The following MDFIC variants were observed in gnomAD, a reference collection of about 807,000 sequenced individuals.
The protein encoded by MDFIC is MyoD family inhibitor domain containing.
A neutral mutation model predicts 23.2 loss-of-function variants in MDFIC; 17 were observed. That is an observed-to-expected ratio of 0.73 (90% CI 0.50 to 1.10). The LOEUF is 1.10. Ranked by LOEUF, MDFIC falls within the 50% of genes least tolerant of loss-of-function variation. The pLI is 0.00. For missense variants in MDFIC, 356 were observed against 316.6 expected (o/e 1.12, Z -0.95); for synonymous variants, 120 against 115.2 (o/e 1.04, Z -0.27).
intron 4 of MDFIC, among the ~76,000 whole-genome samples, chr7:114,984,871 A>G (rs1793481927): frequency 6.6e-6 from 1 of 152,228 alleles, no homozygotes; most frequent in Non-Finnish European, 1.5e-5. Context: ...TATACTTTTT[A>G]GGAATTTTTG....
At chr7:115,002,605 G>A (rs1330089473) in intron 4 of MDFIC, among the ~76,000 whole-genome samples, 1 of 152,166 alleles carries the variant, frequency 6.6e-6, no homozygotes, top group African/African-American at 2.4e-5. Flanking sequence ...GAAGCACTTG[G>A]CAACTCTCCC....
intron 2 of MDFIC, among the ~76,000 whole-genome samples, chr7:114,925,417 T>G (rs776900170): frequency 6.6e-6 from 1 of 152,186 alleles, no homozygotes; most frequent in Non-Finnish European, 1.5e-5. Context: ...AGTATTAGCA[T>G]TAAGAATTAG....
chr7:114,943,124 C>T (rs184769096), intron 3 of MDFIC, among the ~76,000 whole-genome samples: 4 of 152,300 alleles, frequency 2.6e-5, no homozygotes, highest in Admixed American at 6.5e-5. Flanking sequence ...TTTTGATATT[C>T]CCCTTTGGAG....
chr7:114,940,613 A>G (rs973709214), intron 2 of MDFIC, among the ~76,000 whole-genome samples: 6 of 152,230 alleles, frequency 3.9e-5, no homozygotes, highest in East Asian at 1.9e-4. Context: ...GTTTAGAAAG[A>G]TGACTATTTC....
intron 3 of MDFIC, among the ~76,000 whole-genome samples, chr7:114,952,713 A>AG (rs1792801570): frequency 6.6e-6 from 1 of 152,152 alleles, no homozygotes; most frequent in African/African-American, 2.4e-5. Context: ...ATTTAAGGAA[A>AG]AAAAGATTCC....
At chr7:114,931,952 TA>T (rs1792315897) in intron 2 of MDFIC, among the ~76,000 whole-genome samples, 1 of 152,214 alleles carries the variant, frequency 6.6e-6, no homozygotes, top group Admixed American at 6.5e-5. Flanking sequence ...ATAGTCCTCC[TA>T]CTCTTTTTCA....
chr7:114,923,406 G>C, intron 2 of MDFIC: 2 of 1,484,218 alleles, frequency 1.3e-6, no homozygotes, highest in Non-Finnish European at 1.8e-6. Flanking sequence ...TTAAGCATAT[G>C]CATGTTTGGG....
At chr7:114,966,424 A>G (rs972847948) in intron 3 of MDFIC, among the ~76,000 whole-genome samples, 3 of 148,170 alleles carry the variant, frequency 2.0e-5, no homozygotes, top group Non-Finnish European at 4.5e-5. Context: ...AAAAAAAAGG[A>G]AAAAACACCA....
chr7:114,947,542 A>G (rs1242933769), intron 3 of MDFIC, among the ~76,000 whole-genome samples: 2 of 152,116 alleles, frequency 1.3e-5, no homozygotes, highest in Admixed American at 1.3e-4. Flanking sequence ...TCTAGCATGG[A>G]GGTCAAGTTA....
At chr7:114,977,897 T>C (rs1291068328) in intron 3 of MDFIC, among the ~76,000 whole-genome samples, 7 of 147,936 alleles carry the variant, frequency 4.7e-5, no homozygotes, top group African/African-American at 1.5e-4. Context: ...AATTATATTT[T>C]ATTTATATAT....
chr7:115,013,382 A>G (rs935694073), intron 4 of MDFIC, among the ~76,000 whole-genome samples: 6 of 152,252 alleles, frequency 3.9e-5, no homozygotes, highest in African/African-American at 1.4e-4. Flanking sequence ...GGATAGATCC[A>G]TTATATATAG....
At chr7:114,948,691 A>G (rs1017450192) in intron 3 of MDFIC, among the ~76,000 whole-genome samples, 3 of 151,890 alleles carry the variant, frequency 2.0e-5, no homozygotes, top group Non-Finnish European at 4.4e-5. Flanking sequence ...ATCCTACTGC[A>G]TATATAGATA....
chr7:115,004,246 G>T (rs1011892980), intron 4 of MDFIC, among the ~76,000 whole-genome samples: 2 of 152,188 alleles, frequency 1.3e-5, no homozygotes, highest in Non-Finnish European at 2.9e-5. Flanking sequence ...TGTCTGTCAT[G>T]CAGAGGTAAT....
intron 4 of MDFIC, among the ~76,000 whole-genome samples, chr7:115,003,577 C>G (rs1338634790): frequency 6.6e-6 from 1 of 152,136 alleles, no homozygotes; most frequent in Admixed American, 6.6e-5. Flanking sequence ...CCCACTGGCA[C>G]TATATTATCA....
At chr7:115,013,307 G>A (rs1791718946) in intron 4 of MDFIC, among the ~76,000 whole-genome samples, 1 of 151,430 alleles carries the variant, frequency 6.6e-6, no homozygotes. Flanking sequence ...ACTAAAGGAG[G>A]CTTCAAAAAT....
intron 3 of MDFIC, among the ~76,000 whole-genome samples, chr7:114,944,320 A>C (rs1231082270): frequency 2.6e-5 from 4 of 152,086 alleles, no homozygotes; most frequent in Admixed American, 6.6e-5. Flanking sequence ...TAGCAATGCC[A>C]CTCCTGCCTG....
At chr7:114,966,496 G>C (rs1793098768) in intron 3 of MDFIC, among the ~76,000 whole-genome samples, 1 of 150,998 alleles carries the variant, frequency 6.6e-6, no homozygotes, top group African/African-American at 2.4e-5. Context: ...AAATCACCAA[G>C]ATAACATTTT....
At chr7:114,956,369 A>ATG (rs1196656218) in intron 3 of MDFIC, among the ~76,000 whole-genome samples, 2 of 151,504 alleles carry the variant, frequency 1.3e-5, no homozygotes, top group Non-Finnish European at 2.9e-5. Context: ...ATATATATAT[A>ATG]TACACACACA....
At chr7:114,937,905 C>G (rs561751659) in intron 2 of MDFIC, among the ~76,000 whole-genome samples, 2 of 152,218 alleles carry the variant, frequency 1.3e-5, no homozygotes, top group Middle Eastern at 3.4e-3. Context: ...AAACATATTT[C>G]TTTTATCCCA....
Sources: allele counts gnomAD v4.1 joint callset (sites outside exome capture counted in the v4.1 genomes callset), GRCh38; gene constraint gnomAD v4.1.1; transcripts MANE v1.5; gene names NCBI Gene and HGNC (gene_info 2026-07-23, HGNC 2026-07-21).